The following RBM20 variants were observed in gnomAD, a reference collection of about 807,000 sequenced individuals.
RBM20 encodes the protein RNA binding motif protein 20.
A neutral mutation model predicts 110.1 loss-of-function variants in RBM20; 51 were observed. The observed-to-expected ratio is 0.46, with a 90% CI of 0.37 to 0.59. RBM20 has a LOEUF of 0.59. RBM20 is among the 20% of genes least tolerant of loss of function. The pLI is 0.00. For synonymous variants in RBM20, 589 were observed against 618.2 expected (o/e 0.95, Z 0.70); for missense variants, 1,512 against 1,574.9 (o/e 0.96, Z 0.68).
chr10:110,721,013 A>G (rs1843498703), intron 1 of RBM20, among the ~76,000 whole-genome samples: 1 of 152,096 alleles, frequency 6.6e-6, no homozygotes, highest in Non-Finnish European at 1.5e-5. Context: ...TGCTGCCTGG[A>G]ACCCTCTCCT....
At chr10:110,691,110 C>T (rs1862579728) in intron 1 of RBM20, among the ~76,000 whole-genome samples, 1 of 152,194 alleles carries the variant, frequency 6.6e-6, no homozygotes, top group Admixed American at 6.5e-5. Context: ...AAAGAGCTTG[C>T]TCTTGCTCTT....
chr10:110,758,014 CTTTTT>C (rs760246427), intron 1 of RBM20, among the ~76,000 whole-genome samples: 10 of 79,908 alleles, frequency 1.3e-4, no homozygotes, highest in East Asian at 4.2e-4. Flanking sequence ...GATCCTTGTT[CTTTTT>C]TTTTTTTTTT....
At chr10:110,783,981 T>C (rs964089828) in intron 3 of RBM20, among the ~76,000 whole-genome samples, 1 of 152,230 alleles carries the variant, frequency 6.6e-6, no homozygotes, top group African/African-American at 2.4e-5. Flanking sequence ...TTTCTGTAAA[T>C]GGAATCATAT....
chr10:110,650,413 C>A (rs142501958), intron 1 of RBM20, among the ~76,000 whole-genome samples: 15 of 152,254 alleles, frequency 9.9e-5, no homozygotes, highest in Non-Finnish European at 1.9e-4. Context: ...AAAAAGGGAG[C>A]AGTTAAGCAA....
chr10:110,660,558 C>T (rs914822530), intron 1 of RBM20, among the ~76,000 whole-genome samples: 3 of 152,146 alleles, frequency 2.0e-5, no homozygotes, highest in Admixed American at 6.5e-5. Context: ...GCCTGAGCTC[C>T]GCCTCCTGTC....
intron 1 of RBM20, among the ~76,000 whole-genome samples, chr10:110,680,264 C>A (rs977697019): frequency 2.0e-5 from 3 of 152,046 alleles, no homozygotes; most frequent in Non-Finnish European, 2.9e-5. Flanking sequence ...TCCTTCGGAG[C>A]AGATGGAGTC....
intron 1 of RBM20, among the ~76,000 whole-genome samples, chr10:110,649,978 A>G (rs1861923395): frequency 2.0e-5 from 3 of 152,168 alleles, no homozygotes; most frequent in Admixed American, 6.5e-5. Context: ...TTGGTTTGCA[A>G]CACCACCACG....
intron 1 of RBM20, among the ~76,000 whole-genome samples, chr10:110,761,688 A>G (rs1485001448): frequency 4.6e-5 from 7 of 152,126 alleles, no homozygotes; most frequent in African/African-American, 9.7e-5. Context: ...TCCTCCTTAC[A>G]TTATTGTGTT....
chr10:110,810,827 GTGTGTGTGCA>G (rs1454160100), intron 8 of RBM20, among the ~76,000 whole-genome samples: 1 of 138,694 alleles, frequency 7.2e-6, no homozygotes, highest in African/African-American at 2.6e-5. Context: ...GTGTGTGCGT[GTGTGTGTGCA>G]TGTGTGTGCG....
chr10:110,665,199 C>T (rs535658088), intron 1 of RBM20, among the ~76,000 whole-genome samples: 4 of 152,216 alleles, frequency 2.6e-5, no homozygotes, highest in African/African-American at 9.6e-5. Context: ...AGAAGAATGC[C>T]GTCTAATAAA....
intron 1 of RBM20, among the ~76,000 whole-genome samples, chr10:110,658,131 C>T (rs1411080732): frequency 6.6e-6 from 1 of 152,096 alleles, no homozygotes; most frequent in Non-Finnish European, 1.5e-5. Context: ...AACTGCAGAA[C>T]TTCAAACTGA....
chr10:110,746,335 T>A (rs1843780191), intron 1 of RBM20, among the ~76,000 whole-genome samples: 1 of 152,204 alleles, frequency 6.6e-6, no homozygotes, highest in Admixed American at 6.5e-5. Flanking sequence ...TAGACTCATG[T>A]CTTAATGGGA....
chr10:110,755,611 G>GA (rs200064610), intron 1 of RBM20, among the ~76,000 whole-genome samples: 2,031 of 152,268 alleles, frequency 0.013, 42 homozygotes, highest in African/African-American at 0.046. Flanking sequence ...TTACAGTGCA[G>GA]AAAAAATCAA....
chr10:110,689,965 A>G (rs1346561957), intron 1 of RBM20, among the ~76,000 whole-genome samples: 1 of 152,228 alleles, frequency 6.6e-6, no homozygotes, highest in African/African-American at 2.4e-5. Flanking sequence ...AGAAAATGGG[A>G]ATGAAACAAT....
At chr10:110,657,016 T>A (rs1288140168) in intron 1 of RBM20, among the ~76,000 whole-genome samples, 1 of 146,292 alleles carries the variant, frequency 6.8e-6, no homozygotes, top group African/African-American at 2.7e-5. Flanking sequence ...GGTCATATGG[T>A]AATTCTTTTT....
chr10:110,771,372 G>T (rs1052742619), intron 1 of RBM20, among the ~76,000 whole-genome samples: 1 of 151,972 alleles, frequency 6.6e-6, no homozygotes, highest in Non-Finnish European at 1.5e-5. Flanking sequence ...TAAGTGATCC[G>T]CCTGCCTCAC....
chr10:110,705,751 T>A (rs1220147259), intron 1 of RBM20, among the ~76,000 whole-genome samples: 2 of 152,242 alleles, frequency 1.3e-5, no homozygotes, highest in African/African-American at 4.8e-5. Context: ...ACAATTGTTT[T>A]TGTGAAGGAG....
At chr10:110,817,811 T>C (rs1344276092) in intron 9 of RBM20, among the ~76,000 whole-genome samples, 1 of 152,158 alleles carries the variant, frequency 6.6e-6, no homozygotes, top group East Asian at 1.9e-4. Context: ...CACAAGGGCC[T>C]CCAGCAGCTC....
At position 110,812,683 on chromosome 10, in the gene RBM20, A is replaced by G. The variant is rs2135105422; in HGVS notation, c.2286A>G (p.Lys762=). ...GCCGTGAAGACGGCTACTACCGGAA[A>G]GAGCCCAAAGCCAAGTCGGACAAGT... ...YKSREDGYYR[K]EPKAKSDKYL... The change falls in exon 9 of 14, where the codon AAA becomes AAG. Residue 762 remains lysine (K), a synonymous_variant. Transcript: ENST00000369519. 1 of 1,551,764 alleles carries G rather than the reference A, an allele frequency of 6.4e-7. No homozygotes were observed. Among genetic ancestry groups the G allele is most frequent in the Non-Finnish European group, 8.7e-7 (1 of 1,147,016 alleles).
Sources: gnomAD v4.1 joint callset for allele counts (sites outside exome capture counted in the v4.1 genomes callset) on GRCh38, gnomAD v4.1.1 for gene constraint, MANE v1.5 for transcripts, NCBI Gene and HGNC (gene_info 2026-07-23, HGNC 2026-07-21) for gene names.